PDE10A: variants seen among roughly 807,000 people sequenced by gnomAD.
The protein encoded by PDE10A is cAMP and cAMP-inhibited cGMP 3',5'-cyclic phosphodiesterase 10A.
PDE10A carries 39 observed loss-of-function variants against 97.7 expected under a neutral mutation model. The observed-to-expected ratio is 0.40, with a 90% CI of 0.31 to 0.52. PDE10A has a LOEUF of 0.52. PDE10A is among the 20% of genes least tolerant of loss of function. The pLI is 0.56. For missense variants in PDE10A, 731 were observed against 1,047.8 expected (o/e 0.70, Z 4.17); for synonymous variants, 371 against 376.8 (o/e 0.98, Z 0.18).
intron 1 of PDE10A, among the ~76,000 whole-genome samples, chr6:165,555,253 C>G (rs1235075500): frequency 6.6e-6 from 1 of 152,096 alleles, no homozygotes; most frequent in Non-Finnish European, 1.5e-5. Context: ...ACATTGCATG[C>G]CTGTATCAAA....
chr6:165,868,127 C>A (rs542149989), intron 1 of PDE10A, among the ~76,000 whole-genome samples: 1 of 151,972 alleles, frequency 6.6e-6, no homozygotes, highest in African/African-American at 2.4e-5. Flanking sequence ...AAAGGAAGAA[C>A]AAACCAAACC....
chr6:165,751,308 G>A (rs578092339), intron 1 of PDE10A, among the ~76,000 whole-genome samples: 1 of 152,336 alleles, frequency 6.6e-6, no homozygotes, highest in South Asian at 2.1e-4. Flanking sequence ...TCCAGAGTCA[G>A]TGTGGCAGGG....
intron 18 of PDE10A, among the ~76,000 whole-genome samples, chr6:165,362,434 G>A (rs1783482423): frequency 6.6e-6 from 1 of 152,106 alleles, no homozygotes. Context: ...ATGAACAACT[G>A]TATGCCAATA....
At chr6:165,762,081 C>A (rs1015803445) in intron 1 of PDE10A, among the ~76,000 whole-genome samples, 74 of 152,186 alleles carry the variant, frequency 4.9e-4, no homozygotes, top group African/African-American at 1.7e-3. Flanking sequence ...TATAAATAAG[C>A]TGAAACTCAC....
At chr6:165,509,937 A>G (rs1014239355) in intron 2 of PDE10A, among the ~76,000 whole-genome samples, 1 of 151,900 alleles carries the variant, frequency 6.6e-6, no homozygotes, top group African/African-American at 2.4e-5. Flanking sequence ...CCCTGCAACT[A>G]TACTGTATTT....
intron 20 of PDE10A, among the ~76,000 whole-genome samples, chr6:165,337,548 A>G (rs993895594): frequency 3.9e-5 from 6 of 152,230 alleles, no homozygotes; most frequent in Non-Finnish European, 8.8e-5. Flanking sequence ...GTCATGGGGC[A>G]CAAGATCCCA....
At position 165,946,705 on chromosome 6, in the gene PDE10A, C is replaced by G. The variant is rs1044294469; in HGVS notation, c.-615+40824G>C. The G allele has an allele frequency of 2.0e-5, 3 of 151,990 alleles. No homozygotes were observed. The East Asian group carries it at 5.8e-4, about 29-fold the overall frequency. 9.4% of individuals were successfully genotyped at this position (151,990 alleles called of 1,614,324 possible). ...ATAATAAATACATAAAACTACCTGGCTATTTAAAAAACTAATAAATATATC... is the reference window on the plus strand; with the variant it reads ...ATAATAAATACATAAAACTACCTGGGTATTTAAAAAACTAATAAATATATC... On this transcript the variant is annotated intron_variant, in intron 1 of 19. Coordinates refer to the PDE10A transcript ENST00000366882.
intron 1 of PDE10A, among the ~76,000 whole-genome samples, chr6:165,945,671 T>C (rs1162680610): frequency 2.0e-5 from 3 of 152,232 alleles, no homozygotes; most frequent in Non-Finnish European, 4.4e-5. Flanking sequence ...TGCCAGCACC[T>C]TGATCTTGGA....
At chr6:165,943,172 G>GAAAGA (rs1562809427) in intron 1 of PDE10A, among the ~76,000 whole-genome samples, 2 of 60,224 alleles carry the variant, frequency 3.3e-5, no homozygotes, top group African/African-American at 1.7e-4. Flanking sequence ...AAGAAAGAAA[G>GAAAGA]AAAAAAGAAA....
intron 3 of PDE10A, among the ~76,000 whole-genome samples, chr6:165,476,287 G>GT (rs1266163676): frequency 6.6e-6 from 1 of 152,170 alleles, no homozygotes; most frequent in Non-Finnish European, 1.5e-5. Flanking sequence ...GAAAGCATCT[G>GT]TTTTGCACTC....
rs894687029 is a variant in PDE10A, at chr6:165,438,921, G to A, written c.1195-3544C>T. 8.1e-4 allele frequency among the ~76,000 whole-genome samples: 119 copies of A among 147,698 alleles called. 2 individuals carry two copies. The highest frequency in any genetic ancestry group is 2.8e-3 in the African/African-American group (111 of 39,890). ...TACAGTGAGCTGATATTGTGCCACCGTACTCCAGCTTGGGTGACAGAGTGA... is the reference window on the plus strand; with the variant it reads ...TACAGTGAGCTGATATTGTGCCACCATACTCCAGCTTGGGTGACAGAGTGA... On this transcript the variant is annotated intron_variant, in intron 5 of 21. Coordinates refer to ENST00000539869, the MANE Select transcript of PDE10A (RefSeq NM_001385079.1).
At chr6:165,852,163 G>T (rs1299480619) in intron 1 of PDE10A, among the ~76,000 whole-genome samples, 1 of 152,190 alleles carries the variant, frequency 6.6e-6, no homozygotes, top group African/African-American at 2.4e-5. Flanking sequence ...GGGGCCAGCT[G>T]GTGCTGGAAG....
At chr6:165,909,056 G>A (rs1367406503) in intron 1 of PDE10A, 1 of 152,156 alleles carries the variant, frequency 6.6e-6, no homozygotes, top group African/African-American at 2.4e-5. Flanking sequence ...TCTGGAGAAA[G>A]GTGCTTCTCT....
intron 10 of PDE10A, among the ~76,000 whole-genome samples, chr6:165,422,034 A>C (rs1035242311): frequency 6.7e-6 from 1 of 149,526 alleles, no homozygotes; most frequent in African/African-American, 2.5e-5. Flanking sequence ...ACTGCACTCC[A>C]GCCAGGGTGA....
intron 1 of PDE10A, among the ~76,000 whole-genome samples, chr6:165,824,776 AG>A (rs1271519259): frequency 2.0e-5 from 3 of 152,074 alleles, no homozygotes; most frequent in African/African-American, 7.2e-5. Context: ...TGGAAAAAAA[AG>A]CATTTTAATT....
chr6:165,439,808 A>G (rs888089226), intron 5 of PDE10A, among the ~76,000 whole-genome samples: 4 of 152,244 alleles, frequency 2.6e-5, no homozygotes, highest in Non-Finnish European at 4.4e-5. Flanking sequence ...ATTTTGGGAA[A>G]TAAATAGATT....
chr6:165,741,119 G>A (rs771862269), intron 1 of PDE10A, among the ~76,000 whole-genome samples: 1 of 152,052 alleles, frequency 6.6e-6, no homozygotes, highest in Non-Finnish European at 1.5e-5. Context: ...GATCTTAAAT[G>A]TTCTCACCAC....
intron 18 of PDE10A, among the ~76,000 whole-genome samples, chr6:165,366,962 A>C (rs958659264): frequency 2.0e-5 from 3 of 152,198 alleles, no homozygotes; most frequent in Non-Finnish European, 2.9e-5. Context: ...AATATAAAAA[A>C]ATTACTAGCC....
chr6:165,712,524 G>A (rs1470829587), intron 1 of PDE10A, among the ~76,000 whole-genome samples: 1 of 152,046 alleles, frequency 6.6e-6, no homozygotes, highest in Non-Finnish European at 1.5e-5. Flanking sequence ...AAACACCAAA[G>A]CGGCCTGGAT....
Sources: gnomAD v4.1 joint callset for allele counts (sites outside exome capture counted in the v4.1 genomes callset) on GRCh38, gnomAD v4.1.1 for gene constraint, MANE v1.5 for transcripts, NCBI Gene and HGNC (gene_info 2026-07-23, HGNC 2026-07-21) for gene names.